Variants in EFNA5 observed in about 807,000 individuals in gnomAD.
EFNA5 encodes the protein ephrin-A5.
In EFNA5, 5 loss-of-function variants were observed where a neutral mutation model predicts 22.9. The observed-to-expected ratio is 0.22, with a 90% CI of 0.11 to 0.46. The LOEUF (loss-of-function observed/expected upper bound fraction) is 0.46, where lower values mean the gene tolerates loss of function less well. Among genes scored for constraint, EFNA5 ranks in the 20% least tolerant of loss-of-function variants. EFNA5 has a pLI of 0.99. For synonymous variants in EFNA5, 113 were observed against 112.2 expected, an observed-to-expected ratio of 1.01 and a Z score of -0.04; for missense variants, 237 against 293.3, an observed-to-expected ratio of 0.81 and a Z score of 1.40.
chr5:107,640,812 C>T (rs924120980), intron 1 of EFNA5, among the ~76,000 whole-genome samples: 5 of 152,186 alleles, frequency 3.3e-5, no homozygotes, highest in Admixed American at 6.5e-5. Flanking sequence ...AATGAGAATG[C>T]TGCCACATGC....
rs148883272 is a variant in EFNA5, at chr5:107,493,125, T to A, written c.126-65616A>T. ...CACCACCTAGAGAAAAGGAGATATA[T>A]CCTATTTGTTACATAATGTCTCTCC... On this transcript the variant is annotated intron_variant, in intron 1 of 4. Transcript: ENST00000333274. Among the ~76,000 whole-genome samples the A allele has an allele frequency of 2.0e-5, 3 of 152,124 alleles. No homozygotes were observed. In the East Asian group the frequency reaches 5.8e-4, roughly 29 times the overall value.
intron 1 of EFNA5, among the ~76,000 whole-genome samples, chr5:107,482,741 C>A (rs1196121811): frequency 6.6e-6 from 1 of 151,256 alleles, no homozygotes; most frequent in Admixed American, 6.6e-5. Flanking sequence ...AAAATGTCAG[C>A]CTCAATCATC....
At chr5:107,391,663 G>A (rs774692040) in intron 2 of EFNA5, among the ~76,000 whole-genome samples, 6 of 152,216 alleles carry the variant, frequency 3.9e-5, no homozygotes, top group African/African-American at 1.4e-4. Flanking sequence ...TGCTTAAAGT[G>A]TAAGTTGGAG....
chr5:107,509,525 G>A (rs991288706), intron 1 of EFNA5, among the ~76,000 whole-genome samples: 4 of 146,102 alleles, frequency 2.7e-5, no homozygotes, highest in African/African-American at 1.0e-4. Flanking sequence ...TGGAGACGGA[G>A]TTTCACCATG....
At chr5:107,421,328 C>T (rs1748659775) in intron 2 of EFNA5, among the ~76,000 whole-genome samples, 1 of 152,138 alleles carries the variant, frequency 6.6e-6, no homozygotes, top group African/African-American at 2.4e-5. Context: ...ATAACAAATG[C>T]TGGAAAAATT....
chr5:107,473,910 C>T (rs569506463), intron 1 of EFNA5, among the ~76,000 whole-genome samples: 70 of 152,242 alleles, frequency 4.6e-4, no homozygotes, highest in African/African-American at 1.6e-3. Flanking sequence ...CCGCCTTTCT[C>T]GGCCTCCCAA....
In EFNA5 at chr5:107,611,009, C is replaced by T. The variant is rs141893677; in HGVS notation, c.125+59480G>A. ...CATGATGACTCAATGGAGAATCAGGCGACCTGGGCATTTAACTATGCGCCT... is the reference window on the plus strand; with the variant it reads ...CATGATGACTCAATGGAGAATCAGGTGACCTGGGCATTTAACTATGCGCCT... On this transcript the variant is annotated intron_variant, in intron 1 of 4. Coordinates refer to ENST00000333274, the MANE Select transcript of EFNA5 (RefSeq NM_001962.3). Among the ~76,000 whole-genome samples the T allele has an allele frequency of 7.4e-3, 1,127 of 152,210 alleles. 6 individuals are homozygous for T. The highest frequency in any genetic ancestry group is 0.017 in the Middle Eastern group (5 of 294).
intron 2 of EFNA5, among the ~76,000 whole-genome samples, chr5:107,420,336 G>T (rs1479096196): frequency 6.6e-6 from 1 of 151,978 alleles, no homozygotes; most frequent in East Asian, 1.9e-4. Context: ...GCAATCAACT[G>T]GTTCCTTAAA....
chr5:107,420,104 G>T (rs1184553314), intron 2 of EFNA5, among the ~76,000 whole-genome samples: 3 of 152,070 alleles, frequency 2.0e-5, no homozygotes, highest in Non-Finnish European at 4.4e-5. Flanking sequence ...CTAAAGTAAG[G>T]CACTGAAAAA....
At chr5:107,399,698 T>C (rs758989179) in intron 2 of EFNA5, among the ~76,000 whole-genome samples, 9 of 152,210 alleles carry the variant, frequency 5.9e-5, no homozygotes, top group Non-Finnish European at 1.2e-4. Context: ...GCACCTCAGA[T>C]GTTACATGAG....
chr5:107,624,654 A>G (rs546873152), intron 1 of EFNA5, among the ~76,000 whole-genome samples: 1 of 152,280 alleles, frequency 6.6e-6, no homozygotes, highest in East Asian at 1.9e-4. Flanking sequence ...GTCTTCCTGT[A>G]TAAAAGTCAT....
chr5:107,551,514 G>C (rs956292787), intron 1 of EFNA5, among the ~76,000 whole-genome samples: 1 of 152,140 alleles, frequency 6.6e-6, no homozygotes, highest in East Asian at 1.9e-4. Context: ...TGGTCAGCAA[G>C]AAAACGGAAG....
At chr5:107,440,210 G>A (rs916868241) in intron 1 of EFNA5, among the ~76,000 whole-genome samples, 1 of 151,946 alleles carries the variant, frequency 6.6e-6, no homozygotes, top group Non-Finnish European at 1.5e-5. Context: ...AACATAAGCG[G>A]GAGAAAGAAA....
At chr5:107,503,953 G>A (rs1747195929) in intron 1 of EFNA5, among the ~76,000 whole-genome samples, 1 of 152,134 alleles carries the variant, frequency 6.6e-6, no homozygotes, top group African/African-American at 2.4e-5. Flanking sequence ...CATTGAATTA[G>A]CTACCTTTAA....
intron 1 of EFNA5, among the ~76,000 whole-genome samples, chr5:107,467,672 C>T (rs1036273623): frequency 2.6e-5 from 4 of 152,150 alleles, no homozygotes; most frequent in African/African-American, 9.7e-5. Flanking sequence ...GCAGCTTTAC[C>T]TTTGGGCTTT....
chr5:107,416,385 C>A (rs574454119), intron 2 of EFNA5, among the ~76,000 whole-genome samples: 10 of 152,102 alleles, frequency 6.6e-5, no homozygotes, highest in Non-Finnish European at 1.3e-4. Flanking sequence ...GGCTTGGGGT[C>A]AAACTACATG....
chr5:107,550,900 A>T (rs1053070017), intron 1 of EFNA5, among the ~76,000 whole-genome samples: 2 of 152,224 alleles, frequency 1.3e-5, no homozygotes, highest in Admixed American at 1.3e-4. Flanking sequence ...CAGTTTCTAT[A>T]ACTATAAATT....
intron 1 of EFNA5, among the ~76,000 whole-genome samples, chr5:107,583,597 G>A (rs1749113820): frequency 6.6e-6 from 1 of 152,132 alleles, no homozygotes. Context: ...CATCCCTTTG[G>A]AGCATCTGCG....
At chr5:107,426,400 C>G (rs1322131485) in intron 2 of EFNA5, among the ~76,000 whole-genome samples, 1 of 152,186 alleles carries the variant, frequency 6.6e-6, no homozygotes, top group Non-Finnish European at 1.5e-5. Context: ...CTTCATACAT[C>G]CAGAATTTCA....
Sources: gnomAD v4.1 joint callset for allele counts (sites outside exome capture counted in the v4.1 genomes callset) on GRCh38, gnomAD v4.1.1 for gene constraint, MANE v1.5 for transcripts, NCBI Gene and HGNC (gene_info 2026-07-23, HGNC 2026-07-21) for gene names.